The following SLC25A21 variants were observed in gnomAD, a reference collection of about 807,000 sequenced individuals.
The protein encoded by SLC25A21 is mitochondrial 2-oxodicarboxylate carrier.
In SLC25A21, 47 loss-of-function variants were observed where a neutral mutation model predicts 43.8. The ratio of observed to expected loss-of-function variants is 1.07; its 90% CI spans 0.85 to 1.37. The LOEUF is 1.37. Among genes scored for constraint, SLC25A21 ranks in the 40% most tolerant of loss-of-function variants. The pLI is 0.00. For synonymous variants in SLC25A21, 131 were observed against 121.3 expected (o/e 1.08, Z -0.52); for missense variants, 352 against 350.2 (o/e 1.00, Z -0.04).
chr14:36,789,867 ATATAT>A lies in SLC25A21; in HGVS notation c.203+24046_203+24050del, dbSNP rs1173500334. On this transcript the variant is annotated intron_variant, in intron 3 of 9. Transcript: ENST00000331299. ...ATATATTTTATATATTTATATAAAA[ATATAT>A]TATATATTTATATAAAATATATATT... Among the ~76,000 whole-genome samples the A allele has an allele frequency of 6.4e-4, 60 of 93,856 alleles. 6 individuals are homozygous for A. Among genetic ancestry groups the A allele is most frequent in the African/African-American group, 2.4e-3 (49 of 20,754 alleles). 61.6% of individuals were successfully genotyped at this position (93,856 alleles called of 152,430 possible). A position where few individuals can be genotyped will look rare whatever the true frequency, so the allele number is the denominator to read the frequency against.
chr14:36,871,081 G>A (rs902655279), intron 2 of SLC25A21: 1 of 152,372 alleles, frequency 6.6e-6, no homozygotes, highest in Non-Finnish European at 1.5e-5. Context: ...CTTTCAGTCT[G>A]AGCAGAGTGT....
intron 3 of SLC25A21, chr14:36,788,517 G>A (rs1181044798): frequency 6.7e-6 from 1 of 148,618 alleles, no homozygotes; most frequent in Non-Finnish European, 1.5e-5. Flanking sequence ...GATCACCTGA[G>A]CCCAAGCACC....
chr14:36,891,404 T>C (rs546582266), intron 1 of SLC25A21, among the ~76,000 whole-genome samples: 3 of 152,298 alleles, frequency 2.0e-5, no homozygotes, highest in Non-Finnish European at 2.9e-5. Context: ...ACTCAGTGAC[T>C]GGATTTAGCT....
At chr14:36,704,139 G>C (rs1883396543) in intron 7 of SLC25A21, among the ~76,000 whole-genome samples, 2 of 152,054 alleles carry the variant, frequency 1.3e-5, no homozygotes. Flanking sequence ...ATAACATAGG[G>C]CATCATTTTC....
intron 6 of SLC25A21, among the ~76,000 whole-genome samples, chr14:36,712,701 C>A (rs1279852103): frequency 3.3e-5 from 5 of 152,116 alleles, no homozygotes; most frequent in African/African-American, 4.8e-5. Context: ...CAATCAATTA[C>A]AATAAGCTTA....
At position 36,680,133 on chromosome 14, in the gene SLC25A21, T is replaced by A; in HGVS notation, c.*525A>T. On this transcript the variant is annotated 3_prime_UTR_variant, in exon 10 of 10. Coordinates refer to ENST00000331299, the MANE Select transcript of SLC25A21 (RefSeq NM_030631.4). ...CATAAAATTAAACATTCTTAAAAGGTCATTTTAGTGCACTTTAAAAAATTT... is the reference window on the plus strand; with the variant it reads ...CATAAAATTAAACATTCTTAAAAGGACATTTTAGTGCACTTTAAAAAATTT... 1 of 865,894 alleles carries A rather than the reference T, an allele frequency of 1.2e-6. No individual in the cohort carries two copies. Among genetic ancestry groups the A allele is most frequent in the Non-Finnish European group, 1.4e-6 (1 of 722,016 alleles). 53.6% of individuals were successfully genotyped at this position (865,894 alleles called of 1,614,324 possible).
chr14:37,108,554 G>T (rs1390084706), intron 1 of SLC25A21, among the ~76,000 whole-genome samples: 1 of 152,070 alleles, frequency 6.6e-6, no homozygotes, highest in African/African-American at 2.4e-5. Context: ...AGTTTAAAAG[G>T]CTAGTACTGA....
At chr14:36,747,088 T>C (rs997982290) in intron 3 of SLC25A21, among the ~76,000 whole-genome samples, 1 of 152,208 alleles carries the variant, frequency 6.6e-6, no homozygotes, top group Non-Finnish European at 1.5e-5. Context: ...TGACTCAGTA[T>C]CCATATTAAC....
chr14:37,118,592 T>C (rs933204075), intron 1 of SLC25A21, among the ~76,000 whole-genome samples: 1 of 152,206 alleles, frequency 6.6e-6, no homozygotes, highest in Non-Finnish European at 1.5e-5. Context: ...TACACTATTA[T>C]TGATAATAGT....
At chr14:36,882,243 C>T (rs1009594935) in intron 1 of SLC25A21, among the ~76,000 whole-genome samples, 1 of 152,010 alleles carries the variant, frequency 6.6e-6, no homozygotes, top group Admixed American at 6.6e-5. Context: ...ATTAGTCAGG[C>T]GTGGTGATGT....
At chr14:36,686,628 T>C (rs1594486908) in intron 7 of SLC25A21, among the ~76,000 whole-genome samples, 1 of 152,224 alleles carries the variant, frequency 6.6e-6, no homozygotes, top group African/African-American at 2.4e-5. Context: ...AGAAAATGAA[T>C]AGTATTATTA....
intron 1 of SLC25A21, among the ~76,000 whole-genome samples, chr14:37,153,642 C>A (rs1417232690): frequency 2.6e-5 from 4 of 152,214 alleles, no homozygotes. Context: ...ACAAAGACAG[C>A]AGCTCCCTCT....
intron 2 of SLC25A21, among the ~76,000 whole-genome samples, chr14:36,849,777 A>C (rs898579459): frequency 5.3e-5 from 8 of 152,312 alleles, no homozygotes; most frequent in Non-Finnish European, 1.2e-4. Context: ...TCATGCTAGA[A>C]CTGTAATGAA....
chr14:36,735,714 C>A (rs1412194611), intron 3 of SLC25A21, among the ~76,000 whole-genome samples: 2 of 152,004 alleles, frequency 1.3e-5, no homozygotes, highest in Admixed American at 1.3e-4. Context: ...AAAGCACTTG[C>A]CTGCTTTACT....
chr14:36,935,875 T>C (rs1369207930), intron 1 of SLC25A21, among the ~76,000 whole-genome samples: 1 of 152,162 alleles, frequency 6.6e-6, no homozygotes, highest in Non-Finnish European at 1.5e-5. Context: ...AACTTTCCTT[T>C]GCATATGTAT....
chr14:37,133,637 A>T (rs1963429191), intron 1 of SLC25A21, among the ~76,000 whole-genome samples: 1 of 151,910 alleles, frequency 6.6e-6, no homozygotes, highest in African/African-American at 2.4e-5. Context: ...CATAAAAAAA[A>T]AACCACCAAC....
chr14:36,712,823 T>C (rs1344092801), intron 6 of SLC25A21, among the ~76,000 whole-genome samples: 2 of 152,256 alleles, frequency 1.3e-5, no homozygotes, highest in Non-Finnish European at 2.9e-5. Context: ...GTTTACTTTC[T>C]GTTTGACAAC....
chr14:36,981,100 T>C (rs901702839), intron 1 of SLC25A21, among the ~76,000 whole-genome samples: 2 of 151,666 alleles, frequency 1.3e-5, no homozygotes, highest in South Asian at 4.2e-4. Flanking sequence ...TCATGATCAC[T>C]GGCCATCAGA....
intron 1 of SLC25A21, among the ~76,000 whole-genome samples, chr14:36,956,855 T>C (rs561325130): frequency 5.3e-5 from 8 of 152,328 alleles, no homozygotes; most frequent in Admixed American, 5.2e-4. Context: ...CATTCATTTA[T>C]ACATCATGTC....
Sources: gnomAD v4.1 joint callset for allele counts (sites outside exome capture counted in the v4.1 genomes callset) on GRCh38, gnomAD v4.1.1 for gene constraint, MANE v1.5 for transcripts, NCBI Gene and HGNC (gene_info 2026-07-23, HGNC 2026-07-21) for gene names.